The following RABGAP1L variants were observed in gnomAD, a reference collection of about 807,000 sequenced individuals.
The protein encoded by RABGAP1L is RAB GTPase activating protein 1 like, also known as rab GTPase-activating protein 1-like.
A neutral mutation model predicts 137.7 loss-of-function variants in RABGAP1L; 63 were observed. That is an observed-to-expected ratio of 0.46 (90% CI 0.37 to 0.56). The LOEUF is 0.56. Among genes scored for constraint, RABGAP1L ranks in the 20% least tolerant of loss-of-function variants. The pLI, the probability that RABGAP1L is intolerant of heterozygous loss-of-function variation, is 0.00. For missense variants in RABGAP1L, 1,095 were observed against 1,244.0 expected, an observed-to-expected ratio of 0.88 and a Z score of 1.80; for synonymous variants, 431 against 433.7, an observed-to-expected ratio of 0.99 and a Z score of 0.08.
At chr1:174,772,790 A>G (rs1332937757) in intron 18 of RABGAP1L, among the ~76,000 whole-genome samples, 1 of 151,926 alleles carries the variant, frequency 6.6e-6, no homozygotes, top group African/African-American at 2.4e-5. Flanking sequence ...TTCTGTCTCT[A>G]TGAATTTGGC....
intron 1 of RABGAP1L, among the ~76,000 whole-genome samples, chr1:174,204,113 G>A (rs1257991514): frequency 6.6e-6 from 1 of 152,018 alleles, no homozygotes; most frequent in Non-Finnish European, 1.5e-5. Flanking sequence ...ACCATGCCCA[G>A]CTAATTTTTG....
intron 12 of RABGAP1L, among the ~76,000 whole-genome samples, chr1:174,374,509 A>T (rs1685357708): frequency 7.0e-6 from 1 of 141,926 alleles, no homozygotes; most frequent in African/African-American, 2.9e-5. Flanking sequence ...TTAATCAGCA[A>T]AACAGCTCCT....
At chr1:174,343,875 TCC>T (rs1329836240) in intron 11 of RABGAP1L, among the ~76,000 whole-genome samples, 1 of 152,118 alleles carries the variant, frequency 6.6e-6, no homozygotes, top group East Asian at 1.9e-4. Context: ...AAATAATCCA[TCC>T]TGTTTGAGGG....
At chr1:174,700,315 A>G (rs1379330208) in intron 16 of RABGAP1L, 1 of 152,224 alleles carries the variant, frequency 6.6e-6, no homozygotes, top group Non-Finnish European at 1.5e-5. Flanking sequence ...TCTTAAATTT[A>G]TAATGGGTTT....
At chr1:174,750,953 G>A (rs1432461203) in intron 17 of RABGAP1L, among the ~76,000 whole-genome samples, 1 of 152,116 alleles carries the variant, frequency 6.6e-6, no homozygotes, top group African/African-American at 2.4e-5. Context: ...GATTCAGAAA[G>A]CAAATTTTGC....
intron 5 of RABGAP1L, chr1:174,246,180 TATCTCC>T (rs1329916666): frequency 6.6e-6 from 1 of 152,214 alleles, no homozygotes; most frequent in African/African-American, 2.4e-5. Flanking sequence ...GATTTTGGTG[TATCTCC>T]ATTCCAGATA....
intron 13 of RABGAP1L, among the ~76,000 whole-genome samples, chr1:174,633,618 A>G (rs1413879625): frequency 8.5e-6 from 1 of 117,328 alleles, no homozygotes; most frequent in Non-Finnish European, 1.6e-5. Flanking sequence ...GCAGCACACT[A>G]CCTGACTTCA....
intron 17 of RABGAP1L, among the ~76,000 whole-genome samples, chr1:174,744,740 G>A (rs183479982): frequency 2.8e-3 from 426 of 152,102 alleles, no homozygotes; most frequent in Middle Eastern, 0.01. Flanking sequence ...CACTGAAAAC[G>A]GTCCCATATG....
At chr1:174,169,554 A>C (rs745671027) in intron 1 of RABGAP1L, among the ~76,000 whole-genome samples, 34 of 152,218 alleles carry the variant, frequency 2.2e-4, no homozygotes, top group Non-Finnish European at 3.7e-4. Flanking sequence ...ATCTAGTAAT[A>C]GTAGGAAAGA....
chr1:174,229,774 A>G (rs1014805885), intron 3 of RABGAP1L, among the ~76,000 whole-genome samples: 4 of 152,212 alleles, frequency 2.6e-5, no homozygotes, highest in Admixed American at 6.5e-5. Context: ...TACTTTGGGT[A>G]TATACCCAGT....
chr1:174,823,906 C>T (rs1473716278), intron 19 of RABGAP1L, among the ~76,000 whole-genome samples: 1 of 152,130 alleles, frequency 6.6e-6, no homozygotes, highest in Non-Finnish European at 1.5e-5. Context: ...GCCTTTGCCT[C>T]CCAATACTTT....
At chr1:174,209,019 A>G (rs1668687986) in intron 1 of RABGAP1L, among the ~76,000 whole-genome samples, 1 of 152,176 alleles carries the variant, frequency 6.6e-6, no homozygotes, top group Admixed American at 6.5e-5. Context: ...GGGCTGGATG[A>G]AACTGTTCTA....
At chr1:174,985,238 C>G (rs1210985049) in intron 24 of RABGAP1L, among the ~76,000 whole-genome samples, 1 of 152,086 alleles carries the variant, frequency 6.6e-6, no homozygotes, top group Non-Finnish European at 1.5e-5. Flanking sequence ...ACAAAAAATA[C>G]AAAAATTAGC....
At chr1:174,931,375 C>G (rs1663763566) in intron 19 of RABGAP1L, among the ~76,000 whole-genome samples, 10 of 152,094 alleles carry the variant, frequency 6.6e-5, no homozygotes. Flanking sequence ...CTTATGACTT[C>G]CAATAGATAA....
intron 19 of RABGAP1L, among the ~76,000 whole-genome samples, chr1:174,952,203 T>C (rs1667808041): frequency 6.6e-6 from 1 of 151,860 alleles, no homozygotes; most frequent in African/African-American, 2.4e-5. Context: ...CTCCTAAATG[T>C]ACAAAGATCT....
chr1:174,596,765 G>T (rs754583543), intron 13 of RABGAP1L, among the ~76,000 whole-genome samples: 36 of 152,100 alleles, frequency 2.4e-4, no homozygotes, highest in Non-Finnish European at 4.7e-4. Context: ...GAATAACGGT[G>T]GTGAAAGTGG....
chr1:174,183,992 A>G (rs1463330503), intron 1 of RABGAP1L, among the ~76,000 whole-genome samples: 1 of 151,508 alleles, frequency 6.6e-6, no homozygotes, highest in African/African-American at 2.4e-5. Context: ...CAGCCTCCCA[A>G]GTAGCTGGGA....
intron 19 of RABGAP1L, among the ~76,000 whole-genome samples, chr1:174,828,705 T>C (rs1691826431): frequency 6.7e-6 from 1 of 148,420 alleles, no homozygotes; most frequent in African/African-American, 2.5e-5. Flanking sequence ...TTGTTGTAGC[T>C]ATGTAGTCAA....
chr1:174,224,967 A>G (rs1369562958), intron 3 of RABGAP1L, among the ~76,000 whole-genome samples: 3 of 151,824 alleles, frequency 2.0e-5, no homozygotes, highest in Non-Finnish European at 4.4e-5. Flanking sequence ...AGATTCTTGA[A>G]TCTGTAAATT....
Sources: allele counts gnomAD v4.1 joint callset (sites outside exome capture counted in the v4.1 genomes callset), GRCh38; gene constraint gnomAD v4.1.1; transcripts MANE v1.5; gene names NCBI Gene and HGNC (gene_info 2026-07-23, HGNC 2026-07-21).